CCDC170: variants seen among roughly 807,000 people sequenced by gnomAD.
CCDC170 encodes the protein coiled-coil domain containing 170.
Under a neutral mutation model 72.6 loss-of-function variants are expected in CCDC170, and 69 were observed. The observed-to-expected ratio is 0.95, with a 90% CI of 0.78 to 1.16. The LOEUF is 1.16. Ranked by LOEUF, CCDC170 falls within the 50% of genes most tolerant of loss-of-function variation. The probability of loss-of-function intolerance (pLI) is 0.00; values close to 1 mark genes in which losing one functional copy is unlikely to be tolerated. For missense variants in CCDC170, 852 were observed against 832.5 expected, an observed-to-expected ratio of 1.02 and a Z score of -0.29; for synonymous variants, 300 against 303.9, an observed-to-expected ratio of 0.99 and a Z score of 0.13.
intron 2 of CCDC170, among the ~76,000 whole-genome samples, chr6:151,537,546 C>T (rs1258268068): frequency 2.6e-5 from 4 of 151,540 alleles, no homozygotes; most frequent in African/African-American, 9.7e-5. Flanking sequence ...TGTTTTTTTT[C>T]CCAGAAATTT....
In CCDC170 at chr6:151,494,128, C is replaced by T; in HGVS notation, c.-1C>T. The T allele has an allele frequency of 6.7e-7, 1 of 1,502,280 alleles. No individual in the cohort carries two copies. Among genetic ancestry groups the T allele is most frequent in the South Asian group, 1.3e-5 (1 of 79,912 alleles). 93.1% of individuals were successfully genotyped at this position (1,502,280 alleles called of 1,614,324 possible). Reference sequence around the variant, plus strand: ...GAGCGCGCCCCCGGGCTCGGGTCGTCATGAGCCTGGACTGCACCAGCCATA... The same window carrying T: ...GAGCGCGCCCCCGGGCTCGGGTCGTTATGAGCCTGGACTGCACCAGCCATA... On this transcript the variant is annotated 5_prime_UTR_variant, in exon 1 of 11. Coordinates refer to ENST00000239374, the MANE Select transcript of CCDC170 (RefSeq NM_025059.4).
chr6:151,577,569 T>G (rs1454453347), intron 6 of CCDC170, among the ~76,000 whole-genome samples: 1 of 152,252 alleles, frequency 6.6e-6, no homozygotes, highest in African/African-American at 2.4e-5. Context: ...TAGGTACACC[T>G]AAGGCTTTAT....
intron 9 of CCDC170, among the ~76,000 whole-genome samples, chr6:151,601,936 A>T (rs1311727120): frequency 6.6e-6 from 1 of 152,246 alleles, no homozygotes; most frequent in Non-Finnish European, 1.5e-5. Flanking sequence ...TGGATGAGGA[A>T]TATTTCATTG....
chr6:151,577,624 T>C (rs1776320712), intron 6 of CCDC170, among the ~76,000 whole-genome samples: 2 of 26,644 alleles, frequency 7.5e-5, no homozygotes, highest in South Asian at 1.9e-3. Flanking sequence ...CTGTGGGAGC[T>C]GTGGGGACCC....
chr6:151,611,327 A>G (rs1776867095), intron 9 of CCDC170, among the ~76,000 whole-genome samples: 1 of 152,212 alleles, frequency 6.6e-6, no homozygotes, highest in Non-Finnish European at 1.5e-5. Context: ...GCCATAACAA[A>G]ATACCATAAA....
At chr6:151,556,908 T>C (rs1782987439) in intron 5 of CCDC170, among the ~76,000 whole-genome samples, 1 of 152,176 alleles carries the variant, frequency 6.6e-6, no homozygotes, top group African/African-American at 2.4e-5. Flanking sequence ...TCCCAGCCTC[T>C]GGAATCTATT....
intron 5 of CCDC170, among the ~76,000 whole-genome samples, chr6:151,556,195 C>A (rs1782971244): frequency 6.6e-6 from 1 of 152,240 alleles, no homozygotes; most frequent in African/African-American, 2.4e-5. Context: ...GTGGCTCACG[C>A]CTGTAATCCC....
At position 151,618,215 on chromosome 6, in the gene CCDC170, A is replaced by G; in HGVS notation, c.*68A>G. The stretch of plus-strand genomic sequence containing the variant: ...CAATTCCCAATTTCACAAATTCCTC[A>G]TGTCTTTGAGATTTGATCAGTTTGT... On this transcript the variant is annotated 3_prime_UTR_variant, in exon 11 of 11. Transcript: ENST00000239374. 6.7e-6 allele frequency: 9 copies of G among 1,341,948 alleles called. No individual in the cohort carries two copies. Among genetic ancestry groups the G allele is most frequent in the Non-Finnish European group, 9.5e-6 (9 of 948,390 alleles). The allele number at this position is 1,341,948 out of a possible 1,614,324, so 83.1% of individuals were successfully genotyped here. A position where few individuals can be genotyped will look rare whatever the true frequency, so the allele number is the denominator to read the frequency against.
chr6:151,516,217 C>CT (rs1782233989), intron 1 of CCDC170, among the ~76,000 whole-genome samples: 1 of 152,024 alleles, frequency 6.6e-6, no homozygotes, highest in African/African-American at 2.4e-5. Context: ...GTCTTAAGAT[C>CT]TCTGTTTTAA....
intron 7 of CCDC170, among the ~76,000 whole-genome samples, chr6:151,589,091 T>C (rs1776495482): frequency 6.6e-6 from 1 of 151,988 alleles, no homozygotes; most frequent in South Asian, 2.1e-4. Flanking sequence ...CCATCTCTAC[T>C]AAAAATACAA....
chr6:151,580,051 A>T (rs1397819068), intron 6 of CCDC170, among the ~76,000 whole-genome samples: 3 of 151,986 alleles, frequency 2.0e-5, no homozygotes, highest in African/African-American at 7.3e-5. Flanking sequence ...GGTCAGTATC[A>T]CTCCCTTAGT....
chr6:151,579,532 T>G (rs981720788), intron 6 of CCDC170, among the ~76,000 whole-genome samples: 5 of 152,100 alleles, frequency 3.3e-5, no homozygotes, highest in African/African-American at 1.2e-4. Flanking sequence ...GATCTACGTA[T>G]TAGTGGTTTT....
chr6:151,575,797 G>C (rs944994224), intron 6 of CCDC170, among the ~76,000 whole-genome samples: 1 of 151,806 alleles, frequency 6.6e-6, no homozygotes, highest in African/African-American at 2.4e-5. Context: ...CAAAGTGCTG[G>C]GATTATAGGC....
chr6:151,589,170 G>A (rs1365488630), intron 7 of CCDC170, among the ~76,000 whole-genome samples: 3 of 152,128 alleles, frequency 2.0e-5, no homozygotes, highest in African/African-American at 4.8e-5. Flanking sequence ...CAGGAGAATC[G>A]CTTGAATTTG....
chr6:151,524,817 C>CATAAATGGTGT (rs1782376313), intron 1 of CCDC170, among the ~76,000 whole-genome samples: 2 of 151,626 alleles, frequency 1.3e-5, no homozygotes, highest in South Asian at 4.2e-4. Context: ...ACTTTTAAGA[C>CATAAATGGTGT]ATAAATGGTG....
chr6:151,547,700 G>A (rs9371536), intron 4 of CCDC170, among the ~76,000 whole-genome samples: 92,425 of 151,938 alleles, frequency 0.61, 30,431 homozygotes, highest in Admixed American at 0.72. Context: ...TGTATGGCTC[G>A]TTCCCTGAGG....
intron 1 of CCDC170, among the ~76,000 whole-genome samples, chr6:151,535,541 T>A (rs959351527): frequency 3.3e-5 from 5 of 152,248 alleles, no homozygotes; most frequent in African/African-American, 1.2e-4. Flanking sequence ...TCACATGATC[T>A]GTTTGATAAA....
In CCDC170 at chr6:151,541,242, C is replaced by T. The variant is rs140340727; in HGVS notation, c.443+2941C>T. On this transcript the variant is annotated intron_variant, in intron 3 of 10. Transcript: ENST00000239374. Reference sequence around the variant, plus strand: ...CATGAATAACATATCTAAAAATTTACTCCTCTAATATCTCTTGCCCCTCTT... The same window carrying T: ...CATGAATAACATATCTAAAAATTTATTCCTCTAATATCTCTTGCCCCTCTT... 3.4e-3 allele frequency among the ~76,000 whole-genome samples: 523 copies of T among 152,268 alleles called. 18 individuals carry two copies. Among genetic ancestry groups the T allele is most frequent in the Admixed American group, 0.031 (478 of 15,292 alleles).
chr6:151,555,292 A>G (rs74613856), intron 5 of CCDC170, among the ~76,000 whole-genome samples: 5,093 of 152,214 alleles, frequency 0.033, 287 homozygotes, highest in African/African-American at 0.12. Flanking sequence ...TCTGGCACAC[A>G]ATTGGTGTTC....
Sources: allele counts gnomAD v4.1 joint callset (sites outside exome capture counted in the v4.1 genomes callset), GRCh38; gene constraint gnomAD v4.1.1; transcripts MANE v1.5; gene names NCBI Gene and HGNC (gene_info 2026-07-23, HGNC 2026-07-21).